Variants in SLC7A10 observed in about 807,000 individuals in gnomAD.
SLC7A10 encodes asc-type amino acid transporter 1.
In SLC7A10, 30 loss-of-function variants were observed where a neutral mutation model predicts 52.7. That is an observed-to-expected ratio of 0.57 (90% confidence interval 0.43 to 0.77). SLC7A10 has a LOEUF of 0.77. Ranked by LOEUF, SLC7A10 falls within the 30% of genes least tolerant of loss-of-function variation. The probability of loss-of-function intolerance (pLI) is 0.00; values close to 1 mark genes in which losing one functional copy is unlikely to be tolerated. For missense variants in SLC7A10, 581 were observed against 698.5 expected (o/e 0.83, Z 1.90); for synonymous variants, 318 against 314.9 (o/e 1.01, Z -0.10).
Position 33,225,739 on chromosome 19 carries a change from CCCCGTCTGTCCGGCCGGCCG to C in SLC7A10, c.-56_-37del. 2 of 1,467,646 alleles carry C rather than the reference CCCCGTCTGTCCGGCCGGCCG, an allele frequency of 1.4e-6. No individual in the cohort carries two copies. The highest frequency in any genetic ancestry group is 1.8e-6 in the Non-Finnish European group (2 of 1,117,378). 90.9% of individuals were successfully genotyped at this position (1,467,646 alleles called of 1,614,324 possible). A position where few individuals can be genotyped will look rare whatever the true frequency, so the allele number is the denominator to read the frequency against. ...CGCCGCGTCCCCGCTCCCTGCGCTG[CCCCGTCTGTCCGGCCGGCCG>C]CCCGTCGGTCCGTCGGTCCGTGAGC... On this transcript the variant is annotated 5_prime_UTR_variant, in exon 1 of 11. Transcript: ENST00000253188.
chr19:33,213,611 C>G (rs1226736151), intron 2 of SLC7A10, among the ~76,000 whole-genome samples: 1 of 152,230 alleles, frequency 6.6e-6, no homozygotes, highest in Non-Finnish European at 1.5e-5. Flanking sequence ...CTAATAACAA[C>G]TAGGCCCCCC....
chr19:33,218,691 T>TC (rs1568394309), intron 1 of SLC7A10, among the ~76,000 whole-genome samples: 2 of 87,788 alleles, frequency 2.3e-5, no homozygotes, highest in African/African-American at 4.1e-5. Context: ...CTTTTTTTTT[T>TC]TTTTTTAGTA....
At position 33,225,769 on chromosome 19, in the gene SLC7A10, CCGT is replaced by C; in HGVS notation, c.-69_-67del. 1 of 1,437,914 alleles carries C rather than the reference CCGT, an allele frequency of 7.0e-7. No homozygotes were observed. Among genetic ancestry groups the C allele is most frequent in the South Asian group, 1.4e-5 (1 of 73,640 alleles). The allele number at this position is 1,437,914 out of a possible 1,614,324, so 89.1% of individuals were successfully genotyped here. A position where few individuals can be genotyped will look rare whatever the true frequency, so the allele number is the denominator to read the frequency against. ...TCTGTCCGGCCGGCCGCCCGTCGGT[CCGT>C]CGGTCCGTGAGCTCACGGCCCTCGC... On this transcript the variant is annotated 5_prime_UTR_variant, in exon 1 of 11. Coordinates refer to ENST00000253188, the MANE Select transcript of SLC7A10 (RefSeq NM_019849.3).
chr19:33,221,063 C>A (rs1974802433), intron 1 of SLC7A10: 1 of 152,332 alleles, frequency 6.6e-6, no homozygotes. Context: ...CATAGTGGGC[C>A]CTGTAAGCCC....
chr19:33,218,681 C>CTT (rs60465370), intron 1 of SLC7A10, among the ~76,000 whole-genome samples: 6 of 81,844 alleles, frequency 7.3e-5, no homozygotes, highest in African/African-American at 2.1e-4. Context: ...TTCTTTCTTT[C>CTT]TTTTTTTTTT....
intron 1 of SLC7A10, 134 bp from the exon 2 acceptor site, chr19:33,216,107 G>A (rs1470518006): frequency 2.6e-6 from 2 of 777,296 alleles, no homozygotes; most frequent in African/African-American, 3.5e-5. Context: ...GCAGGAGGTG[G>A]GCTGGAGGTG....
Position 33,209,467 on chromosome 19 carries a change from C to A in SLC7A10, c.1282G>T (p.Val428Leu), listed in dbSNP as rs377504071. ...AAGGCCCAGAAGACCAAGTACGCCA[C>A]GGGGATGAGAAGGTTCACCTGGGGA... is the stretch of plus-strand genomic sequence containing the variant. ...RPIKVNLLIP[V>L]AYLVFWAFLL... Residue 428 changes from valine to leucine, a missense_variant, in exon 10 of 11, where the codon GTG (valine) becomes TTG (leucine). Coordinates refer to ENST00000253188, the MANE Select transcript of SLC7A10 (RefSeq NM_019849.3). The A allele has an allele frequency of 6.2e-7, 1 of 1,613,758 alleles. No individual in the cohort carries two copies. Among genetic ancestry groups the A allele is most frequent in the Admixed American group, 1.7e-5 (1 of 59,994 alleles).
In SLC7A10 at chr19:33,209,457, A is replaced by G; in HGVS notation, c.1292T>C (p.Leu431Ser). ...GACCAGCAGGAAGGCCCAGAAGACC[A>G]AGTACGCCACGGGGATGAGAAGGTT... ...KVNLLIPVAYLVFWAFLLVFS... is the reference protein window; with the variant it reads ...KVNLLIPVAYSVFWAFLLVFS... The change falls in exon 10 of 11, where the codon TTG becomes TCG. Residue 431 changes from leucine to serine, a missense_variant. Coordinates refer to ENST00000253188, the MANE Select transcript of SLC7A10 (RefSeq NM_019849.3). 6.2e-7 allele frequency: 1 copy of G among 1,614,008 alleles called. No homozygotes were observed. Among genetic ancestry groups the G allele is most frequent in the South Asian group, 1.1e-5 (1 of 91,076 alleles).
chr19:33,212,837 A>T lies in SLC7A10; in HGVS notation c.508+14T>A, dbSNP rs1425409708. 4 of 1,613,090 alleles carry T rather than the reference A, an allele frequency of 2.5e-6. No homozygotes were observed. Among genetic ancestry groups the T allele is most frequent in the Non-Finnish European group, 3.4e-6 (4 of 1,179,340 alleles). ...TGGCTGATCTGGGGACAGTGGGCCA[A>T]AGGGGATGCTTACTCAGGCAGGCCA... is the stretch of plus-strand genomic sequence containing the variant. On this transcript the variant is annotated intron_variant, in intron 3 of 10. Coordinates refer to ENST00000253188, the MANE Select transcript of SLC7A10 (RefSeq NM_019849.3).
At position 33,213,086 on chromosome 19, in the gene SLC7A10, C is replaced by T; in HGVS notation, c.357-84G>A. The stretch of plus-strand genomic sequence containing the variant: ...GGCCCTGATGTGTGCAGCAGGGCTG[C>T]CCTGGGCCTGGCGCCCGGGGGCTGG... On this transcript the variant is annotated intron_variant, in intron 2 of 10. Coordinates refer to ENST00000253188, the MANE Select transcript of SLC7A10 (RefSeq NM_019849.3). 5 of 1,536,842 alleles carry T rather than the reference C, an allele frequency of 3.3e-6. No individual in the cohort carries two copies. In the South Asian group the frequency reaches 6.0e-5, roughly 18 times the overall value.
At chr19:33,223,325 A>G (rs981044194) in intron 1 of SLC7A10, among the ~76,000 whole-genome samples, 73 of 142,424 alleles carry the variant, frequency 5.1e-4, no homozygotes, top group African/African-American at 8.7e-4. Flanking sequence ...AAAAAAAAAA[A>G]AAAGAAAGAA....
rs538294322 is a variant in SLC7A10 at position 33,210,904 on chromosome 19, G to A, written c.1017-6C>T. ...GGGCTCCAGAGAAGCACAGCCTAGCGTTGGGGACAGATATGGGCACTGGCC... is the reference window on the plus strand; with the variant it reads ...GGGCTCCAGAGAAGCACAGCCTAGCATTGGGGACAGATATGGGCACTGGCC... On this transcript the variant is annotated splice_region_variant and splice_polypyrimidine_tract_variant and intron_variant, in intron 7 of 10. Transcript: ENST00000253188. This position sits in a 1 kb window ranked among gnomAD's most constrained non-coding sequence, Gnocchi z 5.6. 2.0e-5 allele frequency: 33 copies of A among 1,612,862 alleles called. No homozygotes were observed. In the Admixed American group the frequency reaches 3.2e-4, roughly 15 times the overall value.
At chr19:33,211,172 C>A (rs1260413484) in intron 7 of SLC7A10, 53 bp downstream of exon 7, 2 of 1,527,438 alleles carry the variant, frequency 1.3e-6, no homozygotes, top group Non-Finnish European at 1.8e-6. Flanking sequence ...GACTGGTGCA[C>A]ACCTGCACCC....
intron 3 of SLC7A10, 82 bp downstream of exon 3, chr19:33,212,769 C>T (rs1974584636): frequency 1.9e-6 from 3 of 1,605,228 alleles, no homozygotes; most frequent in Non-Finnish European, 2.6e-6. Context: ...GGAAATTTCA[C>T]CCCTCTGTCC....
intron 2 of SLC7A10, 127 bp downstream of exon 2, chr19:33,215,626 ATCCACCCCCCACACCT>A: frequency 6.8e-5 from 21 of 306,852 alleles, no homozygotes; most frequent in East Asian, 1.2e-4. Context: ...CCTTCTCTCC[ATCCACCCCCCACACCT>A]TCTCTCCATC....
At chr19:33,212,695 T>C (rs762899279) in intron 3 of SLC7A10, 56 bp from the exon 4 acceptor site, 208 of 1,612,652 alleles carry the variant, frequency 1.3e-4, no homozygotes, top group Non-Finnish European at 1.5e-4. Context: ...CAGTGGACCA[T>C]GGCCAAGTCC....
intron 9 of SLC7A10, 62 bp from the exon 10 acceptor site, chr19:33,209,547 C>T (rs1974493761): frequency 3.2e-6 from 5 of 1,551,080 alleles, no homozygotes; most frequent in African/African-American, 2.7e-5. Context: ...TACCCCCGAC[C>T]CCTGGGGGTC....
In SLC7A10 at chr19:33,209,454, A is replaced by AC. The variant is rs760593715; in HGVS notation, c.1294dup (p.Val432GlyfsTer97). 3.1e-6 allele frequency: 5 copies of AC among 1,613,806 alleles called. No homozygotes were observed. Among genetic ancestry groups the AC allele is most frequent in the Non-Finnish European group, 8.5e-7 (1 of 1,179,990 alleles). ...GAAGACCAGCAGGAAGGCCCAGAAG[A>AC]CCAAGTACGCCACGGGGATGAGAAG... On this transcript the variant is annotated frameshift_variant, in exon 10 of 11. Coordinates refer to ENST00000253188, the MANE Select transcript of SLC7A10 (RefSeq NM_019849.3). LOFTEE classifies it high-confidence loss of function.
chr19:33,212,549 A>C lies in SLC7A10; in HGVS notation c.599T>G (p.Leu200Arg), dbSNP rs1198962232. Residue 200 changes from leucine (L) to arginine (R), a missense_variant, in exon 4 of 11, where the codon CTC (leucine) becomes CGC (arginine). Coordinates refer to ENST00000253188, the MANE Select transcript of SLC7A10 (RefSeq NM_019849.3). ...CTGGAGAAGGCCCACGCCGATGATG[A>C]GGGACAAGGCCAGCAGCTTCCCGCC... ...FTGGKLLALS[L>R]IIGVGLLQIF... 1 of 1,614,004 alleles carries C rather than the reference A, an allele frequency of 6.2e-7. No individual in the cohort carries two copies. The highest frequency in any genetic ancestry group is 8.5e-7 in the Non-Finnish European group (1 of 1,180,040).
Sources: allele counts gnomAD v4.1 joint callset (sites outside exome capture counted in the v4.1 genomes callset), GRCh38; gene constraint gnomAD v4.1.1; non-coding constraint Gnocchi (gnomAD v3.1); transcripts MANE v1.5; gene names NCBI Gene and HGNC (gene_info 2026-07-23, HGNC 2026-07-21).